The following GPHN variants were observed in gnomAD, a reference collection of about 807,000 sequenced individuals.
GPHN encodes the protein gephyrin.
Under a neutral mutation model 95.5 loss-of-function variants are expected in GPHN, and 17 were observed. That is an observed-to-expected ratio of 0.18 (90% confidence interval 0.12 to 0.27). GPHN has a LOEUF of 0.27. GPHN is among the 10% of genes least tolerant of loss of function. GPHN has a pLI of 1.00. For synonymous variants in GPHN, 320 were observed against 322.5 expected, an observed-to-expected ratio of 0.99 and a Z score of 0.08; for missense variants, 660 against 978.1, an observed-to-expected ratio of 0.67 and a Z score of 4.34.
At chr14:67,311,654 GA>G in the GPHN span, among the ~76,000 whole-genome samples, 1 of 152,114 alleles carries the variant, frequency 6.6e-6, no homozygotes, top group Non-Finnish European at 1.5e-5. Flanking sequence ...AGGCATATTG[GA>G]AGAAATGGCA....
the GPHN span, chr14:67,473,678 G>C: frequency 6.3e-7 from 1 of 1,583,208 alleles, no homozygotes; most frequent in Non-Finnish European, 8.6e-7. This position sits in a 1 kb window ranked among gnomAD's most constrained non-coding sequence, Gnocchi z 6.5. Context: ...GGTAGGTCCA[G>C]AGCGTGTAGA....
intron 2 of GPHN, among the ~76,000 whole-genome samples, chr14:66,683,342 A>T (rs373312547): frequency 2.6e-5 from 1 of 39,098 alleles, no homozygotes; most frequent in African/African-American, 2.0e-4. Context: ...ATATATATAT[A>T]TATATATATA....
At chr14:67,151,181 CACAG>C (rs1236237038) in intron 18 of GPHN, among the ~76,000 whole-genome samples, 2 of 152,128 alleles carry the variant, frequency 1.3e-5, no homozygotes, top group African/African-American at 2.4e-5. Context: ...CACGTGAACA[CACAG>C]ACAGATAAGA....
At chr14:67,700,861 C>T in the GPHN span, among the ~76,000 whole-genome samples, 1 of 151,288 alleles carries the variant, frequency 6.6e-6, no homozygotes, top group East Asian at 1.9e-4. Context: ...TCTGTCTCTA[C>T]TAAAAATACA....
intron 2 of GPHN, among the ~76,000 whole-genome samples, chr14:66,683,132 T>C (rs2067044095): frequency 6.6e-6 from 1 of 151,422 alleles, no homozygotes; most frequent in Non-Finnish European, 1.5e-5. Flanking sequence ...CATTATCCTC[T>C]TGGATTAGTC....
intron 1 of GPHN, among the ~76,000 whole-genome samples, chr14:66,563,366 G>A (rs8017351): frequency 0.32 from 47,815 of 151,566 alleles, 11,569 homozygotes; most frequent in African/African-American, 0.65. Flanking sequence ...TTTTTTGATA[G>A]GTCTACTGGT....
At chr14:66,563,327 G>T (rs1424424191) in intron 1 of GPHN, among the ~76,000 whole-genome samples, 6 of 152,052 alleles carry the variant, frequency 3.9e-5, no homozygotes, top group African/African-American at 1.5e-4. Context: ...GTTGCTACAT[G>T]GTGGGTTTAC....
chr14:67,438,503 T>A, the GPHN span, among the ~76,000 whole-genome samples: 1 of 152,178 alleles, frequency 6.6e-6, no homozygotes, highest in Admixed American at 6.5e-5. Context: ...CTCTCTAAAC[T>A]ACAGTTATAT....
At chr14:66,581,790 G>C (rs2061185610) in intron 1 of GPHN, among the ~76,000 whole-genome samples, 1 of 151,862 alleles carries the variant, frequency 6.6e-6, no homozygotes, top group African/African-American at 2.4e-5. Flanking sequence ...ATTATAAAAA[G>C]AGACACAGAA....
chr14:67,076,057 G>A (rs2095632385), intron 11 of GPHN, among the ~76,000 whole-genome samples: 3 of 152,092 alleles, frequency 2.0e-5, no homozygotes, highest in Non-Finnish European at 2.9e-5. Flanking sequence ...TATCTTTCAT[G>A]AAGGAAAGAG....
In GPHN at chr14:66,687,593, G is replaced by A. The variant is rs559207027; in HGVS notation, c.143+6408G>A. 3.1e-4 allele frequency among the ~76,000 whole-genome samples: 46 copies of A among 150,054 alleles called. No individual in the cohort carries two copies. In the South Asian group the frequency reaches 8.9e-3, roughly 29 times the overall value. ...AACCTCTCGCCTCCTGGGTTCAAGC[G>A]GTTCTCCTGCCTCAGCCTCTTGAGT... On this transcript the variant is annotated intron_variant, in intron 2 of 22. Transcript: ENST00000478722.
chr14:66,721,070 C>T (rs182565032), intron 2 of GPHN, among the ~76,000 whole-genome samples: 1 of 152,216 alleles, frequency 6.6e-6, no homozygotes, highest in Admixed American at 6.5e-5. Context: ...CTTGGCTTGG[C>T]AATTTTATGA....
intron 10 of GPHN, among the ~76,000 whole-genome samples, chr14:67,048,700 G>T (rs1445114775): frequency 1.3e-5 from 2 of 152,058 alleles, no homozygotes; most frequent in Admixed American, 1.3e-4. Context: ...AAACAAGCTA[G>T]TCTACCTGCA....
chr14:67,248,592 T>C, the GPHN span, among the ~76,000 whole-genome samples: 1 of 152,204 alleles, frequency 6.6e-6, no homozygotes, highest in African/African-American at 2.4e-5. Flanking sequence ...CGTTGAAATT[T>C]TGAGGCCTCC....
intron 19 of GPHN, among the ~76,000 whole-genome samples, chr14:67,162,285 C>G (rs913885870): frequency 1.3e-5 from 2 of 152,178 alleles, no homozygotes; most frequent in Non-Finnish European, 1.5e-5. Context: ...TATACATTCT[C>G]TCCTCATTCT....
chr14:67,316,808 C>T, the GPHN span: 3 of 1,588,584 alleles, frequency 1.9e-6, no homozygotes, highest in Non-Finnish European at 2.6e-6. Context: ...ATATTTTACC[C>T]TTCTTTTTCT....
At chr14:67,434,970 CT>C in the GPHN span, among the ~76,000 whole-genome samples, 223 of 137,990 alleles carry the variant, frequency 1.6e-3, no homozygotes, top group Admixed American at 1.9e-3. Flanking sequence ...TTCTCTCTCT[CT>C]TTTTTTTTTT....
intron 1 of GPHN, among the ~76,000 whole-genome samples, chr14:66,674,640 A>C (rs1156363126): frequency 6.6e-6 from 1 of 152,134 alleles, no homozygotes; most frequent in Non-Finnish European, 1.5e-5. Flanking sequence ...AATGCATTTA[A>C]TTCTCTCTCT....
At chr14:66,777,896 C>A (rs1398337952) in intron 3 of GPHN, among the ~76,000 whole-genome samples, 1 of 151,998 alleles carries the variant, frequency 6.6e-6, no homozygotes, top group Non-Finnish European at 1.5e-5. Context: ...TGGAAGCATT[C>A]CCTTTGAAAA....
Sources: gnomAD v4.1 joint callset for allele counts (sites outside exome capture counted in the v4.1 genomes callset) on GRCh38, gnomAD v4.1.1 for gene constraint, Gnocchi (gnomAD v3.1) non-coding constraint, MANE v1.5 for transcripts, NCBI Gene and HGNC (gene_info 2026-07-23, HGNC 2026-07-21) for gene names.